The following FGF12 variants were observed in gnomAD, a reference collection of about 807,000 sequenced individuals.
FGF12 encodes fibroblast growth factor 12B.
Under a neutral mutation model 23.6 loss-of-function variants are expected in FGF12, and 14 were observed. The observed-to-expected ratio is 0.59, with a 90% CI of 0.39 to 0.93. FGF12 has a LOEUF of 0.93. Among genes scored for constraint, FGF12 ranks in the 40% least tolerant of loss-of-function variants. FGF12 has a pLI of 0.00. For synonymous variants in FGF12, 62 were observed against 77.3 expected (o/e 0.80, Z 1.04); for missense variants, 175 against 217.8 (o/e 0.80, Z 1.24).
At chr3:192,656,040 C>CA (rs11292484) in intron 2 of FGF12, among the ~76,000 whole-genome samples, 3,756 of 106,304 alleles carry the variant, frequency 0.035, 65 homozygotes, top group South Asian at 0.056. Context: ...GAGGTTCAGG[C>CA]AAAAAAAAAA....
intron 2 of FGF12, among the ~76,000 whole-genome samples, chr3:192,672,773 A>G (rs1717174211): frequency 6.6e-6 from 1 of 150,954 alleles, no homozygotes; most frequent in African/African-American, 2.4e-5. Context: ...GCTCAGGTAC[A>G]AAGATGAAGT....
chr3:192,400,704 A>G (rs765792859), intron 2 of FGF12, among the ~76,000 whole-genome samples: 6 of 152,080 alleles, frequency 3.9e-5, no homozygotes, highest in Non-Finnish European at 7.3e-5. Context: ...TAGTTGGGTA[A>G]TTACATTATT....
At chr3:192,717,510 T>A (rs1718901870) in intron 2 of FGF12, among the ~76,000 whole-genome samples, 2 of 152,288 alleles carry the variant, frequency 1.3e-5, no homozygotes, top group Non-Finnish European at 2.9e-5. Flanking sequence ...GCATGAAGAA[T>A]AAAGAGCTTT....
At chr3:192,712,003 C>T (rs181306071) in intron 2 of FGF12, among the ~76,000 whole-genome samples, 139 of 147,632 alleles carry the variant, frequency 9.4e-4, no homozygotes, top group African/African-American at 2.7e-3. Flanking sequence ...TAGAAAATAT[C>T]GCATCTGTGA....
rs914637949 is a variant in FGF12, at chr3:192,408,554, G to A, written c.14-48016C>T. On this transcript the variant is annotated intron_variant, in intron 2 of 5. Transcript: ENST00000445105. The surrounding 1 kb of genome is among the most constrained non-coding windows in gnomAD (Gnocchi z 7.3). ...AGGCGATCGGCGTCCAAGGGGCAGT[G>A]GGGAGTTTAGTCACACTGCGTTCGG... 7 of 1,154,688 alleles carry A rather than the reference G, an allele frequency of 6.1e-6. No homozygotes were observed. Among genetic ancestry groups the A allele is most frequent in the Non-Finnish European group, 7.5e-6 (7 of 936,180 alleles). 71.5% of individuals were successfully genotyped at this position (1,154,688 alleles called of 1,614,324 possible).
intron 4 of FGF12, among the ~76,000 whole-genome samples, chr3:192,205,331 C>T (rs981327947): frequency 3.3e-5 from 5 of 152,022 alleles, no homozygotes; most frequent in South Asian, 2.1e-4. Flanking sequence ...AAAGAAATAC[C>T]GCCAACTACC....
intron 4 of FGF12, among the ~76,000 whole-genome samples, chr3:192,211,484 G>T (rs1189942650): frequency 7.0e-6 from 1 of 142,282 alleles, no homozygotes; most frequent in East Asian, 2.0e-4. Context: ...GGAGTGCAGC[G>T]GCGCAATCTC....
At chr3:192,414,662 G>T (rs1721290013) in intron 2 of FGF12, among the ~76,000 whole-genome samples, 1 of 152,116 alleles carries the variant, frequency 6.6e-6, no homozygotes, top group South Asian at 2.1e-4. Flanking sequence ...ATCGCCCAAG[G>T]TCATACAATC....
chr3:192,447,672 A>T (rs1316118702), intron 2 of FGF12, among the ~76,000 whole-genome samples: 3 of 152,184 alleles, frequency 2.0e-5, no homozygotes, highest in African/African-American at 4.8e-5. Flanking sequence ...TTACGTAATG[A>T]CTACTTAACA....
chr3:192,685,380 A>G (rs1456376686), intron 2 of FGF12, among the ~76,000 whole-genome samples: 32 of 152,188 alleles, frequency 2.1e-4, no homozygotes, highest in Non-Finnish European at 1.3e-4. Context: ...AAGTGTTTAG[A>G]ACACAGTAAG....
At chr3:192,276,792 C>T (rs1477695942) in intron 4 of FGF12, among the ~76,000 whole-genome samples, 1 of 152,118 alleles carries the variant, frequency 6.6e-6, no homozygotes, top group African/African-American at 2.4e-5. Context: ...TCTGACCTAC[C>T]TTGTTTAACT....
chr3:192,283,989 GA>G (rs1423125156), intron 4 of FGF12, among the ~76,000 whole-genome samples: 3 of 152,072 alleles, frequency 2.0e-5, no homozygotes, highest in African/African-American at 7.2e-5. Context: ...ATCACTTACA[GA>G]CACAGCTTTC....
In FGF12 at chr3:192,579,576, C is replaced by T. The variant is rs372117182; in HGVS notation, c.13+147605G>A. ...GTTATTATTATCATTATTATTGAGACGAAGTCTCTCTCTGTCACCCAGGTT... is the reference window on the plus strand; with the variant it reads ...GTTATTATTATCATTATTATTGAGATGAAGTCTCTCTCTGTCACCCAGGTT... On this transcript the variant is annotated intron_variant, in intron 2 of 5. Transcript: ENST00000445105. Among the ~76,000 whole-genome samples the T allele has an allele frequency of 1.1e-4, 16 of 152,166 alleles. No homozygotes were observed. The East Asian group carries it at 1.2e-3, about 11-fold the overall frequency.
chr3:192,706,342 T>A (rs533680374), intron 2 of FGF12, among the ~76,000 whole-genome samples: 2 of 152,240 alleles, frequency 1.3e-5, no homozygotes, highest in East Asian at 1.9e-4. Flanking sequence ...CTCTGGATCA[T>A]CTTTTCTTTC....
chr3:192,533,818 G>A (rs1725155345), intron 2 of FGF12, among the ~76,000 whole-genome samples: 1 of 152,168 alleles, frequency 6.6e-6, no homozygotes, highest in African/African-American at 2.4e-5. Flanking sequence ...ATAGTTCTGT[G>A]TCTAATTTGC....
chr3:192,342,570 C>A (rs1016382987), intron 3 of FGF12, among the ~76,000 whole-genome samples: 1 of 152,028 alleles, frequency 6.6e-6, no homozygotes, highest in Admixed American at 6.5e-5. Context: ...CAGGAGTTTG[C>A]GACTAGCCTG....
At chr3:192,670,324 T>G (rs879499649) in intron 2 of FGF12, among the ~76,000 whole-genome samples, 2 of 152,140 alleles carry the variant, frequency 1.3e-5, no homozygotes, top group Admixed American at 6.5e-5. Flanking sequence ...TTATTTTTAG[T>G]AAATAACTAT....
chr3:192,302,235 G>T (rs893343031), intron 4 of FGF12, among the ~76,000 whole-genome samples: 6 of 152,264 alleles, frequency 3.9e-5, no homozygotes, highest in African/African-American at 7.2e-5. Context: ...CTGTCATAGA[G>T]CTTGTAGGCA....
chr3:192,284,516 T>C (rs1355786584), intron 4 of FGF12, among the ~76,000 whole-genome samples: 2 of 152,010 alleles, frequency 1.3e-5, no homozygotes, highest in Non-Finnish European at 2.9e-5. Flanking sequence ...ATGCAGGATA[T>C]GGGGACAGAA....
Sources: gnomAD v4.1 joint callset for allele counts (sites outside exome capture counted in the v4.1 genomes callset) on GRCh38, gnomAD v4.1.1 for gene constraint, Gnocchi (gnomAD v3.1) non-coding constraint, MANE v1.5 for transcripts, NCBI Gene and HGNC (gene_info 2026-07-23, HGNC 2026-07-21) for gene names.